The following NEGR1 variants were observed in gnomAD, a reference collection of about 807,000 sequenced individuals.
The protein encoded by NEGR1 is neuronal growth regulator 1, also known as IgLON family member 4.
Under a neutral mutation model 40.9 loss-of-function variants are expected in NEGR1, and 10 were observed. That is an observed-to-expected ratio of 0.24 (90% CI 0.15 to 0.42). The LOEUF (loss-of-function observed/expected upper bound fraction) is 0.42. NEGR1 is among the 10% of genes least tolerant of loss of function. NEGR1 has a pLI of 1.00. For missense variants in NEGR1, 352 were observed against 438.9 expected (o/e 0.80, Z 1.77); for synonymous variants, 185 against 166.8 (o/e 1.11, Z -0.84).
At chr1:72,239,376 TCAAA>T (rs1654662091) in intron 1 of NEGR1, among the ~76,000 whole-genome samples, 1 of 151,838 alleles carries the variant, frequency 6.6e-6, no homozygotes, top group Non-Finnish European at 1.5e-5. Flanking sequence ...AATTATTTCT[TCAAA>T]CAACCACTGT....
At chr1:72,114,792 C>T (rs1649520338) in intron 1 of NEGR1, among the ~76,000 whole-genome samples, 1 of 151,732 alleles carries the variant, frequency 6.6e-6, no homozygotes, top group Non-Finnish European at 1.5e-5. Context: ...ATTCCATTTC[C>T]TTCCATCCTC....
chr1:71,615,726 T>C (rs1365298759), intron 4 of NEGR1, among the ~76,000 whole-genome samples: 1 of 152,192 alleles, frequency 6.6e-6, no homozygotes, highest in Non-Finnish European at 1.5e-5. Flanking sequence ...TCTAAGCTGA[T>C]AAGGTTTTGC....
intron 1 of NEGR1, among the ~76,000 whole-genome samples, chr1:72,025,052 T>C (rs959635357): frequency 6.6e-6 from 1 of 152,216 alleles, no homozygotes; most frequent in Non-Finnish European, 1.5e-5. Flanking sequence ...AACAATTCAA[T>C]TTCAATTTTC....
intron 2 of NEGR1, among the ~76,000 whole-genome samples, chr1:71,863,602 A>G (rs1660018742): frequency 6.6e-6 from 1 of 152,192 alleles, no homozygotes; most frequent in Non-Finnish European, 1.5e-5. Flanking sequence ...GGAACTTTAA[A>G]TAAAAGATGA....
Position 71,397,475 on chromosome 1 carries a change from T to A in NEGR1, c.*9971A>T, listed in dbSNP as rs957577513. 2 of 152,236 alleles carry A rather than the reference T, an allele frequency of 1.3e-5. No individual in the cohort carries two copies. Among genetic ancestry groups the A allele is most frequent in the African/African-American group, 4.8e-5 (2 of 41,428 alleles). 9.4% of individuals were successfully genotyped at this position (152,236 alleles called of 1,614,324 possible). On this transcript the variant is annotated 3_prime_UTR_variant, in exon 7 of 7. Coordinates refer to ENST00000357731, the MANE Select transcript of NEGR1 (RefSeq NM_173808.3). ...CCAAGCAGTTGAGATTACAGGCATGTGCCACCATGCCTCACTAATTTTTAT... is the reference window on the plus strand; with the variant it reads ...CCAAGCAGTTGAGATTACAGGCATGAGCCACCATGCCTCACTAATTTTTAT...
chr1:71,470,713 C>A (rs1347307546), intron 6 of NEGR1, among the ~76,000 whole-genome samples: 1 of 152,090 alleles, frequency 6.6e-6, no homozygotes, highest in East Asian at 1.9e-4. Flanking sequence ...TGAACTAACA[C>A]AGGCAGTGTT....
rs951778067 is a variant in NEGR1, at chr1:72,160,808, A to C, written c.176+121511T>G. Among the ~76,000 whole-genome samples the C allele has an allele frequency of 2.6e-5, 4 of 152,262 alleles. No individual in the cohort carries two copies. The East Asian group carries it at 5.8e-4, about 22-fold the overall frequency. On this transcript the variant is annotated intron_variant, in intron 1 of 6. Coordinates refer to ENST00000357731, the MANE Select transcript of NEGR1 (RefSeq NM_173808.3). The stretch of plus-strand genomic sequence containing the variant: ...ATTTAAGATTACCTGAAGGTAGAAA[A>C]ATGCCTTATAAAAATGTACAAGTAG...
chr1:71,701,732 C>T (rs1037015288), intron 3 of NEGR1, among the ~76,000 whole-genome samples: 1 of 151,932 alleles, frequency 6.6e-6, no homozygotes, highest in Non-Finnish European at 1.5e-5. Flanking sequence ...GTTCTACTTG[C>T]ATATACAAAT....
Position 72,248,257 on chromosome 1 carries a change from T to G in NEGR1, c.176+34062A>C, listed in dbSNP as rs146562393. ...GTCTTTGACTTTCTCATCTAAGACT[T>G]GTATTTCATTTATTTTTTGACATGG... On this transcript the variant is annotated intron_variant, in intron 1 of 6. Coordinates refer to ENST00000357731, the MANE Select transcript of NEGR1 (RefSeq NM_173808.3). 4.6e-5 allele frequency among the ~76,000 whole-genome samples: 7 copies of G among 152,222 alleles called. No homozygotes were observed. In the East Asian group the frequency reaches 1.2e-3, roughly 25 times the overall value.
chr1:71,807,206 A>G (rs1657809880), intron 2 of NEGR1, among the ~76,000 whole-genome samples: 1 of 152,030 alleles, frequency 6.6e-6, no homozygotes, highest in African/African-American at 2.4e-5. Context: ...ATGTCGATCT[A>G]TTTTTAAAAT....
intron 1 of NEGR1, among the ~76,000 whole-genome samples, chr1:72,134,213 CT>C (rs538728682): frequency 0.023 from 3,157 of 135,974 alleles, 91 homozygotes; most frequent in African/African-American, 0.078. Flanking sequence ...TTTTTTTTTT[CT>C]TTTTTTTTTT....
intron 6 of NEGR1, among the ~76,000 whole-genome samples, chr1:71,545,124 C>A (rs1453501144): frequency 6.6e-6 from 1 of 151,500 alleles, no homozygotes; most frequent in Non-Finnish European, 1.5e-5. Context: ...AAAACAACAA[C>A]AAAAAAATGA....
intron 1 of NEGR1, among the ~76,000 whole-genome samples, chr1:72,108,912 C>T (rs1358098249): frequency 6.6e-6 from 1 of 151,462 alleles, no homozygotes; most frequent in Non-Finnish European, 1.5e-5. Flanking sequence ...TAGACTTTTA[C>T]TTCCTCCTAC....
chr1:71,815,981 A>G (rs936746292), intron 2 of NEGR1, among the ~76,000 whole-genome samples: 8 of 152,066 alleles, frequency 5.3e-5, no homozygotes, highest in African/African-American at 1.9e-4. Flanking sequence ...TATGTCCTTA[A>G]CTTGCTTTTT....
chr1:71,656,250 GA>G (rs960334111), intron 4 of NEGR1, among the ~76,000 whole-genome samples: 2 of 152,108 alleles, frequency 1.3e-5, no homozygotes, highest in Non-Finnish European at 2.9e-5. Context: ...AAAGAAAGCA[GA>G]ATTTTCCGTT....
chr1:72,021,419 A>C (rs191406799), intron 1 of NEGR1, among the ~76,000 whole-genome samples: 1 of 152,266 alleles, frequency 6.6e-6, no homozygotes, highest in Non-Finnish European at 1.5e-5. Flanking sequence ...GAAAAGCAGA[A>C]ATTAATGCAT....
chr1:71,945,308 G>A (rs1646007982), intron 1 of NEGR1, among the ~76,000 whole-genome samples: 2 of 152,034 alleles, frequency 1.3e-5, no homozygotes, highest in African/African-American at 4.8e-5. Context: ...AGAAGGAGGT[G>A]CATGATAAGT....
intron 1 of NEGR1, among the ~76,000 whole-genome samples, chr1:72,278,602 A>G (rs924857204): frequency 6.6e-6 from 1 of 152,026 alleles, no homozygotes; most frequent in African/African-American, 2.4e-5. Flanking sequence ...GCAGAGTTAT[A>G]TTCCCCTGAA....
In NEGR1 at chr1:71,603,189, GA is replaced by G. The variant is rs370009679; in HGVS notation, c.788+7836del. 6.3e-4 allele frequency among the ~76,000 whole-genome samples: 96 copies of G among 152,282 alleles called. 1 individual carries two copies. Among genetic ancestry groups the G allele is most frequent in the African/African-American group, 2.2e-3 (91 of 41,566 alleles). ...TTATCTTACAGGTGAATGAAGAAGT[GA>G]AATCTGAAGTTAGAAGAGAAGATCA... On this transcript the variant is annotated intron_variant, in intron 5 of 6. Transcript: ENST00000357731.
Sources: allele counts gnomAD v4.1 joint callset (sites outside exome capture counted in the v4.1 genomes callset), GRCh38; gene constraint gnomAD v4.1.1; transcripts MANE v1.5; gene names NCBI Gene and HGNC (gene_info 2026-07-23, HGNC 2026-07-21).